Variants in ZNF233 observed in about 807,000 individuals in gnomAD.
ZNF233 encodes zinc finger protein 233.
A neutral mutation model predicts 11.6 loss-of-function variants in ZNF233; 7 were observed. The observed-to-expected ratio is 0.60, with a 90% confidence interval of 0.34 to 1.13. The LOEUF is 1.13. ZNF233 is among the 50% of genes most tolerant of loss of function. The probability of loss-of-function intolerance (pLI) is 0.03; values close to 1 mark genes in which losing one functional copy is unlikely to be tolerated. For synonymous variants in ZNF233, 226 were observed against 268.5 expected (o/e 0.84, Z 1.55); for missense variants, 711 against 785.5 (o/e 0.91, Z 1.13).
At chr19:44,272,530 C>T (rs543066497) in intron 4 of ZNF233, among the ~76,000 whole-genome samples, 11 of 151,532 alleles carry the variant, frequency 7.3e-5, no homozygotes, top group East Asian at 1.9e-4. Context: ...GTCAGGAGAT[C>T]GAGACCATCC....
chr19:44,262,984 C>G (rs1974977212), intron 1 of ZNF233, among the ~76,000 whole-genome samples: 1 of 152,176 alleles, frequency 6.6e-6, no homozygotes, highest in Admixed American at 6.5e-5. Context: ...CTGGACTCAG[C>G]TGGATTCAGA....
At chr19:44,270,217 T>G (rs766276658) in intron 4 of ZNF233, among the ~76,000 whole-genome samples, 1 of 152,016 alleles carries the variant, frequency 6.6e-6, no homozygotes, top group African/African-American at 2.4e-5. Flanking sequence ...ACTGTGAAAC[T>G]TAGCACCTTG....
chr19:44,269,068 T>C (rs1200479772), intron 4 of ZNF233, among the ~76,000 whole-genome samples: 6 of 152,208 alleles, frequency 3.9e-5, no homozygotes, highest in African/African-American at 1.4e-4. Context: ...CCATGCTCCA[T>C]GAACGTTGAC....
Position 44,275,315 on chromosome 19 carries a change from C to T in ZNF233, c.*642C>T. ...GACATTTAATTAAAACACATAAAACCAAGCAGTCTACAATCTGAGTAATGT... is the reference window on the plus strand; with the variant it reads ...GACATTTAATTAAAACACATAAAACTAAGCAGTCTACAATCTGAGTAATGT... On this transcript the variant is annotated 3_prime_UTR_variant, in exon 5 of 5. Transcript: ENST00000683810. 1 of 166,046 alleles carries T rather than the reference C, an allele frequency of 6.0e-6. No individual in the cohort carries two copies. Among genetic ancestry groups the T allele is most frequent in the Non-Finnish European group, 1.3e-5 (1 of 77,750 alleles). The allele number at this position is 166,046 out of a possible 1,614,324, so 10.3% of individuals were successfully genotyped here. A position where few individuals can be genotyped will look rare whatever the true frequency, so the allele number is the denominator to read the frequency against.
At position 44,272,903 on chromosome 19, in the gene ZNF233, CA is replaced by C. The variant is rs748763999; in HGVS notation, c.245del (p.Lys82ArgfsTer6). 4.5e-6 allele frequency: 7 copies of C among 1,559,242 alleles called. No homozygotes were observed. The South Asian group carries it at 8.5e-5, about 19-fold the overall frequency. On this transcript the variant is annotated frameshift_variant, in exon 5 of 5. Coordinates refer to ENST00000683810, the MANE Select transcript of ZNF233 (RefSeq NM_001207005.2). LOFTEE classifies it low-confidence loss of function (END_TRUNC). ...EIQGDGCSGH[K>X]NQNEIDTLQE... ...GAGTTCTCTTTATCATTCTAGGACA[CA>C]AGAATCAAAATGAGATAGATACCCT... is the stretch of plus-strand genomic sequence containing the variant.
Position 44,273,750 on chromosome 19 carries a change from C to T in ZNF233, c.1090C>T (p.His364Tyr), listed in dbSNP as rs1431781499. The T allele has an allele frequency of 6.2e-7, 1 of 1,614,202 alleles. No homozygotes were observed. Among genetic ancestry groups the T allele is most frequent in the South Asian group, 1.1e-5 (1 of 91,080 alleles). Residue 364 changes from histidine (H) to tyrosine (Y), a missense_variant, in exon 5 of 5, where the codon CAC becomes TAC. Transcript: ENST00000683810. ...CTGTCTTCCCTCTCATGAGCTTACT[C>T]ACCCAGGAGAGAAGTTGTGTACATG... ...NSCLPSHELT[H>Y]PGEKLCTCGR...
chr19:44,259,899 G>A lies in ZNF233; in HGVS notation c.-87G>A, dbSNP rs909853049. 2.8e-5 allele frequency: 13 copies of A among 456,326 alleles called. No homozygotes were observed. The highest frequency in any genetic ancestry group is 2.6e-4 in the African/African-American group (13 of 50,186). 28.3% of individuals were successfully genotyped at this position (456,326 alleles called of 1,614,324 possible). Reference sequence around the variant, plus strand: ...CGTTGCAACCTTGTGTACTTCCGCTGCAGGAGGGCGAAGCAGCCGTCATCT... The same window carrying A: ...CGTTGCAACCTTGTGTACTTCCGCTACAGGAGGGCGAAGCAGCCGTCATCT... On this transcript the variant is annotated 5_prime_UTR_variant, in exon 1 of 5. Transcript: ENST00000683810.
At position 44,274,210 on chromosome 19, in the gene ZNF233, T is replaced by G. The variant is rs1256791202; in HGVS notation, c.1550T>G (p.Phe517Cys). The G allele has an allele frequency of 6.2e-7, 1 of 1,613,708 alleles. No homozygotes were observed. Among genetic ancestry groups the G allele is most frequent in the African/African-American group, 1.3e-5 (1 of 74,806 alleles). Residue 517 changes from phenylalanine (F) to cysteine (C), a missense_variant, in exon 5 of 5, where the codon TTC becomes TGC. By Grantham distance (205) the Phe-to-Cys change is radical (BLOSUM62 -2). Coordinates refer to ENST00000683810, the MANE Select transcript of ZNF233 (RefSeq NM_001207005.2). ...AAATGTGACACATGTGGGAAGGACT[T>G]CAGTCAGATCTCTCATCTTCAGGCC... Reference protein sequence around the residue: ...PYKCDTCGKDFSQISHLQAHQ... With the variant: ...PYKCDTCGKDCSQISHLQAHQ...
chr19:44,266,136 G>T, intron 2 of ZNF233, 62 bp from the exon 3 acceptor site: 1 of 1,539,270 alleles, frequency 6.5e-7, no homozygotes, highest in South Asian at 1.2e-5. Context: ...CCTGCTCAGT[G>T]CTGCCTCTCT....
chr19:44,266,024 T>C (rs1156272034), intron 2 of ZNF233, 174 bp from the exon 3 acceptor site: 4 of 494,078 alleles, frequency 8.1e-6, no homozygotes, highest in South Asian at 4.1e-5. Flanking sequence ...TGTGGAAAAG[T>C]AGTCTATGAG....
At chr19:44,265,238 T>C (rs994705857) in intron 2 of ZNF233, among the ~76,000 whole-genome samples, 1 of 152,110 alleles carries the variant, frequency 6.6e-6, no homozygotes, top group Non-Finnish European at 1.5e-5. Context: ...AGAGAGAACA[T>C]ACGATGTTTG....
intron 1 of ZNF233, among the ~76,000 whole-genome samples, chr19:44,262,575 A>G (rs576756523): frequency 6.0e-4 from 91 of 152,336 alleles, no homozygotes; most frequent in African/African-American, 2.0e-3. Flanking sequence ...GGAATTGGAT[A>G]TTAAAAATTG....
chr19:44,274,825 A>C lies in ZNF233; in HGVS notation c.*152A>C. On this transcript the variant is annotated 3_prime_UTR_variant, in exon 5 of 5. Coordinates refer to ENST00000683810, the MANE Select transcript of ZNF233 (RefSeq NM_001207005.2). ...GAGCTGAGTTTTTATAGTTATCTGA[A>C]TTCCATTGAAGAAAACCTATTTTTG... is the stretch of plus-strand genomic sequence containing the variant. 1.5e-6 allele frequency: 1 copy of C among 666,152 alleles called. No homozygotes were observed. Among genetic ancestry groups the C allele is most frequent in the South Asian group, 3.0e-5 (1 of 33,714 alleles). The allele number at this position is 666,152 out of a possible 1,614,324, so 41.3% of individuals were successfully genotyped here. A position where few individuals can be genotyped will look rare whatever the true frequency, so the allele number is the denominator to read the frequency against.
At chr19:44,272,512 T>C (rs1365927373) in intron 4 of ZNF233, among the ~76,000 whole-genome samples, 1 of 150,868 alleles carries the variant, frequency 6.6e-6, no homozygotes, top group East Asian at 2.0e-4. Flanking sequence ...AGGCGGGCGG[T>C]TCACGAGGTC....
At chr19:44,265,810 T>A (rs377523446) in intron 2 of ZNF233, among the ~76,000 whole-genome samples, 6 of 152,348 alleles carry the variant, frequency 3.9e-5, no homozygotes, top group Non-Finnish European at 8.8e-5. Context: ...TAAACGTGCA[T>A]GTACAAACAC....
At position 44,261,342 on chromosome 19, in the gene ZNF233, C is replaced by T. The variant is rs112386487; in HGVS notation, c.-48+1404C>T. Among the ~76,000 whole-genome samples the T allele has an allele frequency of 5.9e-3, 892 of 151,862 alleles. 8 individuals carry two copies. The highest frequency in any genetic ancestry group is 0.021 in the African/African-American group (859 of 41,422). ...ACTTGGGAGGCTGAGGCAGGAGGATCGCTTGAGCCCAGGAGGCAGAGGTTG... is the reference window on the plus strand; with the variant it reads ...ACTTGGGAGGCTGAGGCAGGAGGATTGCTTGAGCCCAGGAGGCAGAGGTTG... On this transcript the variant is annotated intron_variant, in intron 1 of 4. Coordinates refer to ENST00000683810, the MANE Select transcript of ZNF233 (RefSeq NM_001207005.2).
Position 44,273,331 on chromosome 19 carries a change from A to G in ZNF233, c.671A>G (p.Asp224Gly). ...VRQRIAHQHD[D>G]HGVHKREKAF... ...CAAAGAATTGCTCATCAACATGATG[A>G]TCATGGAGTACACAAAAGAGAGAAA... The change falls in exon 5 of 5, where the codon GAT (aspartate) becomes GGT (glycine). Residue 224 changes from aspartate to glycine, a missense_variant. Physicochemically the swap from Asp to Gly is moderately conservative, Grantham distance 94. Transcript: ENST00000683810. 1 of 1,614,200 alleles carries G rather than the reference A, an allele frequency of 6.2e-7. No individual in the cohort carries two copies. Among genetic ancestry groups the G allele is most frequent in the Non-Finnish European group, 8.5e-7 (1 of 1,180,046 alleles).
intron 4 of ZNF233, among the ~76,000 whole-genome samples, chr19:44,270,354 A>AAC (rs1975204659): frequency 1.3e-5 from 2 of 148,710 alleles, no homozygotes; most frequent in African/African-American, 5.0e-5. Flanking sequence ...ACTAAAAAAA[A>AAC]AAAAAAAAAA....
chr19:44,263,976 T>G (rs928504413), intron 1 of ZNF233, among the ~76,000 whole-genome samples: 13 of 152,202 alleles, frequency 8.5e-5, no homozygotes, highest in African/African-American at 3.1e-4. Flanking sequence ...GGAGGTTAAT[T>G]AGCTTAAACA....
Sources: gnomAD v4.1 joint callset for allele counts (sites outside exome capture counted in the v4.1 genomes callset) on GRCh38, gnomAD v4.1.1 for gene constraint, MANE v1.5 for transcripts, NCBI Gene and HGNC (gene_info 2026-07-23, HGNC 2026-07-21) for gene names.